The following THRB variants were observed in gnomAD, a reference collection of about 807,000 sequenced individuals.
THRB encodes thyroid hormone receptor beta, also known as nuclear receptor subfamily 1 group A member 2.
In THRB, 12 loss-of-function variants were observed where a neutral mutation model predicts 47.8. That is an observed-to-expected ratio of 0.25 (90% CI 0.16 to 0.41). THRB has a LOEUF of 0.41. Ranked by LOEUF, THRB falls within the 10% of genes least tolerant of loss-of-function variation. THRB has a pLI of 1.00. For missense variants in THRB, 348 were observed against 589.2 expected (o/e 0.59, Z 4.24); for synonymous variants, 218 against 212.2 (o/e 1.03, Z -0.24).
At chr3:24,351,141 A>C (rs76844281) in intron 1 of THRB, among the ~76,000 whole-genome samples, 9,059 of 152,054 alleles carry the variant, frequency 0.06, 872 homozygotes, top group African/African-American at 0.2. Flanking sequence ...CAAATCATGC[A>C]AGAAATCAGT....
chr3:24,384,745 A>G (rs1489036633), intron 1 of THRB, among the ~76,000 whole-genome samples: 4 of 152,290 alleles, frequency 2.6e-5, no homozygotes, highest in East Asian at 1.9e-4. Flanking sequence ...GCACACTCCA[A>G]TAAATACATT....
At chr3:24,311,125 A>T (rs2057727360) in intron 2 of THRB, among the ~76,000 whole-genome samples, 1 of 152,132 alleles carries the variant, frequency 6.6e-6, no homozygotes, top group African/African-American at 2.4e-5. Flanking sequence ...GTAAATGAGG[A>T]TCTGTGTATG....
chr3:24,278,281 C>G (rs979165115), intron 3 of THRB, among the ~76,000 whole-genome samples: 2 of 152,070 alleles, frequency 1.3e-5, no homozygotes, highest in African/African-American at 4.8e-5. Flanking sequence ...CTGGCAGAAG[C>G]AGGCATAAAG....
intron 1 of THRB, among the ~76,000 whole-genome samples, chr3:24,474,785 G>T (rs1239587559): frequency 9.2e-5 from 14 of 152,156 alleles, no homozygotes; most frequent in Admixed American, 8.5e-4. Context: ...ACAGGGAAAA[G>T]TTCAAGCCTC....
intron 9 of THRB, among the ~76,000 whole-genome samples, chr3:24,128,033 G>C (rs1311156294): frequency 6.6e-6 from 1 of 152,172 alleles, no homozygotes; most frequent in Non-Finnish European, 1.5e-5. Context: ...ACAGTCGTGT[G>C]TGAAACTGTG....
intron 1 of THRB, among the ~76,000 whole-genome samples, chr3:24,464,540 A>G (rs957511257): frequency 2.0e-5 from 3 of 152,192 alleles, no homozygotes; most frequent in East Asian, 3.8e-4. Flanking sequence ...TGTAGACAGC[A>G]TATACCTGGA....
intron 2 of THRB, among the ~76,000 whole-genome samples, chr3:24,333,083 CAAAACA>C (rs751025380): frequency 6.6e-6 from 1 of 151,844 alleles, no homozygotes; most frequent in East Asian, 1.9e-4. Flanking sequence ...GATTCCATCT[CAAAACA>C]AAAACAAAAA....
chr3:24,256,098 A>G (rs2051251062), intron 3 of THRB, among the ~76,000 whole-genome samples: 1 of 152,170 alleles, frequency 6.6e-6, no homozygotes, highest in South Asian at 2.1e-4. Flanking sequence ...AGCTGGCAAG[A>G]GTCTGTGAGG....
At chr3:24,459,138 G>A (rs1441052241) in intron 1 of THRB, 6 of 152,028 alleles carry the variant, frequency 3.9e-5, no homozygotes, top group African/African-American at 1.4e-4. Flanking sequence ...GCCCGGGTGT[G>A]TGAGTTCCCT....
intron 9 of THRB, among the ~76,000 whole-genome samples, chr3:24,128,770 CG>C (rs2033335366): frequency 8.9e-5 from 1 of 11,248 alleles, no homozygotes; most frequent in Admixed American, 8.4e-4. Context: ...TGGGTGGGGG[CG>C]GGGGTGGTCA....
At chr3:24,465,061 T>C (rs1244810192) in intron 1 of THRB, among the ~76,000 whole-genome samples, 1 of 152,222 alleles carries the variant, frequency 6.6e-6, no homozygotes, top group Non-Finnish European at 1.5e-5. Flanking sequence ...CTACACCTTC[T>C]TTCTTGGTTC....
In THRB at chr3:24,291,388, T is replaced by C. The variant is rs116417316; in HGVS notation, c.-43+5838A>G. On this transcript the variant is annotated intron_variant, in intron 3 of 10. Coordinates refer to ENST00000646209, the MANE Select transcript of THRB (RefSeq NM_001354712.2). Reference sequence around the variant, plus strand: ...GCTTTCAAAGCTTCATCAGTGTTTCTGTGCGCACATGAGTTATTGTCCATT... The same window carrying C: ...GCTTTCAAAGCTTCATCAGTGTTTCCGTGCGCACATGAGTTATTGTCCATT... Among the ~76,000 whole-genome samples the C allele has an allele frequency of 7.2e-3, 1,093 of 152,330 alleles. 3 individuals are homozygous for C. The highest frequency in any genetic ancestry group is 0.012 in the Non-Finnish European group (783 of 68,034).
At chr3:24,488,039 T>C (rs1286853073) in intron 1 of THRB, among the ~76,000 whole-genome samples, 2 of 152,140 alleles carry the variant, frequency 1.3e-5, no homozygotes, top group African/African-American at 4.8e-5. Flanking sequence ...AATGTCAGGA[T>C]CATATATTAT....
At chr3:24,215,944 A>G (rs910109434) in intron 4 of THRB, among the ~76,000 whole-genome samples, 2 of 152,234 alleles carry the variant, frequency 1.3e-5, no homozygotes, top group Non-Finnish European at 2.9e-5. Flanking sequence ...CCTGCCAACC[A>G]AGAACATGTG....
At chr3:24,148,385 C>A (rs889607859) in intron 6 of THRB, among the ~76,000 whole-genome samples, 1 of 152,156 alleles carries the variant, frequency 6.6e-6, no homozygotes, top group Non-Finnish European at 1.5e-5. Flanking sequence ...CCTTGGCCTC[C>A]CAAAGTGCTG....
At chr3:24,356,773 A>G (rs925937692) in intron 1 of THRB, among the ~76,000 whole-genome samples, 11 of 152,120 alleles carry the variant, frequency 7.2e-5, no homozygotes, top group African/African-American at 1.9e-4. Context: ...ACCATTTTCT[A>G]TACACTGGGA....
chr3:24,220,565 A>G (rs1474503734), intron 4 of THRB, among the ~76,000 whole-genome samples: 1 of 152,160 alleles, frequency 6.6e-6, no homozygotes, highest in Non-Finnish European at 1.5e-5. Context: ...TCTTTCAAAG[A>G]GAGGGATCAA....
intron 3 of THRB, among the ~76,000 whole-genome samples, chr3:24,260,914 G>A (rs56293532): frequency 0.057 from 8,712 of 152,164 alleles, 625 homozygotes; most frequent in Admixed American, 0.22. Context: ...TCACCCAGAC[G>A]GTTTGTTAAA....
intron 1 of THRB, among the ~76,000 whole-genome samples, chr3:24,440,574 C>G (rs1320022368): frequency 6.6e-6 from 1 of 151,968 alleles, no homozygotes; most frequent in Non-Finnish European, 1.5e-5. Flanking sequence ...AATATAAAAA[C>G]AGAATATAAA....
Sources: gnomAD v4.1 joint callset for allele counts (sites outside exome capture counted in the v4.1 genomes callset) on GRCh38, gnomAD v4.1.1 for gene constraint, MANE v1.5 for transcripts, NCBI Gene and HGNC (gene_info 2026-07-23, HGNC 2026-07-21) for gene names.